Variants in GRIK2 observed in about 807,000 individuals in gnomAD.
The protein encoded by GRIK2 is glutamate ionotropic receptor kainate type subunit 2.
Under a neutral mutation model 100.3 loss-of-function variants are expected in GRIK2, and 32 were observed. The observed-to-expected ratio is 0.32, with a 90% CI of 0.24 to 0.43. GRIK2 has a LOEUF of 0.43. Ranked by LOEUF, GRIK2 falls within the 20% of genes least tolerant of loss-of-function variation. The pLI is 1.00. For synonymous variants in GRIK2, 417 were observed against 389.4 expected (o/e 1.07, Z -0.83); for missense variants, 843 against 1,114.9 (o/e 0.76, Z 3.47).
At chr6:102,041,443 A>ACTC (rs147409686) in intron 15 of GRIK2, among the ~76,000 whole-genome samples, 188 of 151,662 alleles carry the variant, frequency 1.2e-3, no homozygotes, top group African/African-American at 4.4e-3. Context: ...ATGAGGAGTC[A>ACTC]CTCTTATTAG....
chr6:101,911,582 T>G (rs1489045137), intron 12 of GRIK2, among the ~76,000 whole-genome samples: 1 of 151,488 alleles, frequency 6.6e-6, no homozygotes, highest in Non-Finnish European at 1.5e-5. Flanking sequence ...TTTAATCAAC[T>G]ATTTTAACAT....
At chr6:101,700,015 T>C (rs1017238438) in intron 7 of GRIK2, among the ~76,000 whole-genome samples, 11 of 151,920 alleles carry the variant, frequency 7.2e-5, no homozygotes, top group Admixed American at 2.0e-4. Context: ...CCTGGCATAG[T>C]TTCACACGCA....
intron 7 of GRIK2, among the ~76,000 whole-genome samples, chr6:101,786,931 G>C (rs1488757713): frequency 6.6e-6 from 1 of 152,042 alleles, no homozygotes; most frequent in Non-Finnish European, 1.5e-5. Flanking sequence ...ATATGGCAGT[G>C]AAGTCATCTG....
intron 7 of GRIK2, among the ~76,000 whole-genome samples, chr6:101,728,608 G>T (rs1355988476): frequency 6.6e-6 from 1 of 151,974 alleles, no homozygotes; most frequent in Non-Finnish European, 1.5e-5. Flanking sequence ...TGTAGTCTTG[G>T]TTACTTACCT....
At chr6:101,768,823 T>C (rs181322099) in intron 7 of GRIK2, among the ~76,000 whole-genome samples, 40 of 152,228 alleles carry the variant, frequency 2.6e-4, no homozygotes, top group Admixed American at 1.0e-3. Context: ...GTTTATATCA[T>C]GAGATTGTTA....
chr6:101,910,930 CTT>C (rs10586188), intron 12 of GRIK2, among the ~76,000 whole-genome samples: 128,496 of 150,660 alleles, frequency 0.85, 54,943 homozygotes, highest in East Asian at 0.94. Flanking sequence ...TTTCAAGTAT[CTT>C]TATCTAAGAT....
intron 15 of GRIK2, among the ~76,000 whole-genome samples, chr6:102,044,262 C>T (rs1479108320): frequency 1.3e-5 from 2 of 152,010 alleles, no homozygotes; most frequent in Non-Finnish European, 2.9e-5. Flanking sequence ...TCTGTTCAAT[C>T]AGTACCTTGC....
chr6:102,028,132 CTAAAA>C (rs1305977487), intron 14 of GRIK2, among the ~76,000 whole-genome samples: 1 of 151,044 alleles, frequency 6.6e-6, no homozygotes, highest in Non-Finnish European at 1.5e-5. Flanking sequence ...AGAAACTAAA[CTAAAA>C]TGTCTATAAG....
intron 2 of GRIK2, among the ~76,000 whole-genome samples, chr6:101,523,172 C>T (rs1328034500): frequency 2.6e-5 from 4 of 152,050 alleles, no homozygotes; most frequent in Non-Finnish European, 4.4e-5. Context: ...TATTATCTCT[C>T]AGTATAAGTA....
chr6:101,411,788 T>A (rs1490141708), intron 2 of GRIK2, among the ~76,000 whole-genome samples: 1 of 152,042 alleles, frequency 6.6e-6, no homozygotes, highest in African/African-American at 2.4e-5. Context: ...ATTTAGAATA[T>A]TTATATCCAC....
intron 2 of GRIK2, among the ~76,000 whole-genome samples, chr6:101,562,741 T>C (rs1417610169): frequency 6.6e-6 from 1 of 152,122 alleles, no homozygotes; most frequent in Non-Finnish European, 1.5e-5. Flanking sequence ...GATTAAATGA[T>C]GTAATATATG....
chr6:101,548,147 G>A (rs1324412547), intron 2 of GRIK2, among the ~76,000 whole-genome samples: 20 of 152,036 alleles, frequency 1.3e-4, no homozygotes, highest in African/African-American at 2.2e-4. Context: ...CATATCCTTC[G>A]CCCACTTTTT....
At chr6:101,634,353 A>C (rs2128321614) in intron 4 of GRIK2, among the ~76,000 whole-genome samples, 1 of 152,226 alleles carries the variant, frequency 6.6e-6, no homozygotes, top group South Asian at 2.1e-4. Flanking sequence ...ATTTACCTAG[A>C]AGGGGAAAAC....
intron 2 of GRIK2, among the ~76,000 whole-genome samples, chr6:101,573,000 C>T (rs1365440926): frequency 6.6e-6 from 1 of 151,778 alleles, no homozygotes; most frequent in Admixed American, 6.6e-5. Flanking sequence ...GTGCCTGCCA[C>T]CATTCCCGGC....
At chr6:101,481,542 A>G (rs1772529399) in intron 2 of GRIK2, among the ~76,000 whole-genome samples, 1 of 152,156 alleles carries the variant, frequency 6.6e-6, no homozygotes, top group Non-Finnish European at 1.5e-5. Context: ...GTTCAGTTAA[A>G]GTTTGTATTT....
chr6:101,811,467 T>C (rs1475263573), intron 9 of GRIK2, among the ~76,000 whole-genome samples: 1 of 152,096 alleles, frequency 6.6e-6, no homozygotes, highest in East Asian at 1.9e-4. Flanking sequence ...AAGAGAATTT[T>C]GATAGATTTG....
At chr6:101,738,478 A>G (rs551931274) in intron 7 of GRIK2, among the ~76,000 whole-genome samples, 4 of 152,128 alleles carry the variant, frequency 2.6e-5, no homozygotes, top group East Asian at 3.9e-4. Context: ...GCAGTTTTGT[A>G]TTTTTCCCCT....
At chr6:101,484,759 G>A (rs1321157033) in intron 2 of GRIK2, among the ~76,000 whole-genome samples, 1 of 151,938 alleles carries the variant, frequency 6.6e-6, no homozygotes, top group African/African-American at 2.4e-5. Context: ...TTTTAACATA[G>A]AAAGCCTACT....
chr6:101,447,634 T>G (rs1375050788), intron 2 of GRIK2, among the ~76,000 whole-genome samples: 1 of 151,720 alleles, frequency 6.6e-6, no homozygotes, highest in African/African-American at 2.4e-5. Flanking sequence ...GTAGCTCCCA[T>G]GTAGTTCAGT....
Sources: gnomAD v4.1 joint callset for allele counts (sites outside exome capture counted in the v4.1 genomes callset) on GRCh38, gnomAD v4.1.1 for gene constraint, MANE v1.5 for transcripts, NCBI Gene and HGNC (gene_info 2026-07-23, HGNC 2026-07-21) for gene names.